Variants in AADAT observed in about 807,000 individuals in gnomAD.
The protein encoded by AADAT is kynurenine/alpha-aminoadipate aminotransferase, mitochondrial.
Under a neutral mutation model 56.2 loss-of-function variants are expected in AADAT, and 25 were observed. The ratio of observed to expected loss-of-function variants is 0.44; its 90% confidence interval spans 0.32 to 0.62. AADAT has a LOEUF of 0.62. Among genes scored for constraint, AADAT ranks in the 20% least tolerant of loss-of-function variants. The pLI, the probability that AADAT is intolerant of heterozygous loss-of-function variation, is 0.04. For missense variants in AADAT, 387 were observed against 510.5 expected, an observed-to-expected ratio of 0.76 and a Z score of 2.33; for synonymous variants, 173 against 164.7, an observed-to-expected ratio of 1.05 and a Z score of -0.39.
rs143431644 is a variant in AADAT at position 170,064,340 on chromosome 4, A to G, written c.1134+379T>C. 7.2e-5 allele frequency among the ~76,000 whole-genome samples: 11 copies of G among 152,308 alleles called. No individual in the cohort carries two copies. The East Asian group carries it at 2.1e-3, about 29-fold the overall frequency. On this transcript the variant is annotated intron_variant, in intron 11 of 12. Transcript: ENST00000337664. The stretch of plus-strand genomic sequence containing the variant: ...CTCACTTAATCATCAGAGCAACCCT[A>G]TGAGAGAGGGATTCTTATTACCTCT...
intron 5 of AADAT, among the ~76,000 whole-genome samples, chr4:170,071,166 G>A (rs934174649): frequency 1.3e-5 from 2 of 152,224 alleles, no homozygotes; most frequent in Non-Finnish European, 2.9e-5. Context: ...ACCTGCCTCA[G>A]CCTCCCAAAG....
intron 11 of AADAT, among the ~76,000 whole-genome samples, chr4:170,063,892 A>G (rs1731316064): frequency 6.6e-6 from 1 of 152,204 alleles, no homozygotes; most frequent in Non-Finnish European, 1.5e-5. Flanking sequence ...AAATATTTAG[A>G]ATTTTCAGCT....
intron 4 of AADAT, 74 bp from the exon 5 acceptor site, chr4:170,073,419 TCTAACTAAGAACTTG>T: frequency 7.5e-7 from 1 of 1,334,302 alleles, no homozygotes. Flanking sequence ...TTTTTTTCTT[TCTAACTAAGAACTTG>T]CTCATTCATA....
At chr4:170,079,294 C>CG (rs1732181955) in intron 3 of AADAT, among the ~76,000 whole-genome samples, 1 of 152,062 alleles carries the variant, frequency 6.6e-6, no homozygotes, top group Non-Finnish European at 1.5e-5. Context: ...TGTCTTGAGG[C>CG]AGAATGTAGA....
chr4:170,081,118 C>T (rs1197008161), intron 3 of AADAT, among the ~76,000 whole-genome samples: 1 of 151,958 alleles, frequency 6.6e-6, no homozygotes, highest in African/African-American at 2.4e-5. Flanking sequence ...ATAAAAATAA[C>T]AAAAAACCCC....
At chr4:170,075,514 G>A (rs919486306) in intron 4 of AADAT, among the ~76,000 whole-genome samples, 4 of 152,186 alleles carry the variant, frequency 2.6e-5, no homozygotes, top group Admixed American at 6.5e-5. Flanking sequence ...TTGCTATGTT[G>A]CCCAGTATGG....
At chr4:170,078,877 G>T (rs893999615) in intron 3 of AADAT, among the ~76,000 whole-genome samples, 2 of 152,164 alleles carry the variant, frequency 1.3e-5, no homozygotes, top group Non-Finnish European at 2.9e-5. Flanking sequence ...GCTGGATTTG[G>T]CTCTCAAACC....
intron 3 of AADAT, 88 bp from the exon 4 acceptor site, chr4:170,078,671 A>C: frequency 2.3e-6 from 2 of 851,316 alleles, no homozygotes; most frequent in Non-Finnish European, 3.7e-6. Flanking sequence ...GTTTGAGCTC[A>C]CATGGTTCTA....
intron 5 of AADAT, 72 bp from the exon 6 acceptor site, chr4:170,070,724 A>G (rs1581576704): frequency 3.7e-6 from 4 of 1,081,610 alleles, no homozygotes; most frequent in Middle Eastern, 3.1e-4. Flanking sequence ...AATTAAATTC[A>G]TTTGGAATTA....
chr4:170,084,922 T>C (rs1732481671), intron 3 of AADAT, among the ~76,000 whole-genome samples: 1 of 152,186 alleles, frequency 6.6e-6, no homozygotes, highest in Non-Finnish European at 1.5e-5. Flanking sequence ...ACAGGTTCAC[T>C]TACACGCACA....
At chr4:170,089,433 C>A in intron 1 of AADAT, 191 bp downstream of exon 1, 1 of 646,900 alleles carries the variant, frequency 1.5e-6, no homozygotes. Context: ...ACCCGCCTTC[C>A]GTTTCAGCCC....
intron 4 of AADAT, 37 bp from the exon 5 acceptor site, chr4:170,073,382 T>C (rs765462528): frequency 1.3e-6 from 2 of 1,566,000 alleles, no homozygotes; most frequent in Non-Finnish European, 1.7e-6. Context: ...TCAGTCATGA[T>C]TACAAATGTA....
chr4:170,076,053 T>G (rs971136030), intron 4 of AADAT, among the ~76,000 whole-genome samples: 1 of 152,214 alleles, frequency 6.6e-6, no homozygotes, highest in African/African-American at 2.4e-5. Context: ...CAATGAACAT[T>G]TGTATACAAG....
At chr4:170,071,587 AGGGCTGTAAACAGGAGAACCCGGAGCC>A (rs1429667862) in intron 5 of AADAT, among the ~76,000 whole-genome samples, 1 of 152,198 alleles carries the variant, frequency 6.6e-6, no homozygotes, top group African/African-American at 2.4e-5. Context: ...AAACCACCGG[AGGGCTGTAAACAGGAGAACCCGGAGCC>A]GGGCTTTATA....
At chr4:170,075,509 A>G (rs1439521533) in intron 4 of AADAT, among the ~76,000 whole-genome samples, 3 of 152,174 alleles carry the variant, frequency 2.0e-5, no homozygotes, top group Non-Finnish European at 4.4e-5. Context: ...GTGCTTTGCT[A>G]TGTTGCCCAG....
chr4:170,088,249 T>C, intron 2 of AADAT, 147 bp downstream of exon 2: 1 of 733,612 alleles, frequency 1.4e-6, no homozygotes, highest in Non-Finnish European at 2.1e-6. Flanking sequence ...ACTGAGTATT[T>C]GGTCATTGAA....
intron 3 of AADAT, 104 bp downstream of exon 3, chr4:170,087,012 C>A: frequency 3.8e-6 from 5 of 1,319,698 alleles, no homozygotes; most frequent in East Asian, 3.0e-5. Flanking sequence ...AGAAAGACTA[C>A]CAGTAATCCA....
At chr4:170,063,293 G>A (rs908908273) in intron 11 of AADAT, among the ~76,000 whole-genome samples, 1 of 152,174 alleles carries the variant, frequency 6.6e-6, no homozygotes, top group African/African-American at 2.4e-5. Context: ...TGGGGATAAA[G>A]CTGGAGATTA....
At position 170,073,059 on chromosome 4, in the gene AADAT, G is replaced by A. The variant is rs1159221006; in HGVS notation, c.654+77C>T. On this transcript the variant is annotated intron_variant, in intron 5 of 12. Transcript: ENST00000337664. Reference sequence around the variant, plus strand: ...TGAAAGCAAAAGGCTAAGAAGAAAGGGAGCTTGCATAGTGCTCTTCTAAAA... The same window carrying A: ...TGAAAGCAAAAGGCTAAGAAGAAAGAGAGCTTGCATAGTGCTCTTCTAAAA... 3.0e-6 allele frequency: 4 copies of A among 1,337,572 alleles called. No homozygotes were observed. The African/African-American group carries it at 5.9e-5, about 20-fold the overall frequency. 82.9% of individuals were successfully genotyped at this position (1,337,572 alleles called of 1,614,324 possible).
Sources: gnomAD v4.1 joint callset for allele counts (sites outside exome capture counted in the v4.1 genomes callset) on GRCh38, gnomAD v4.1.1 for gene constraint, MANE v1.5 for transcripts, NCBI Gene and HGNC (gene_info 2026-07-23, HGNC 2026-07-21) for gene names.